The following SPTBN1 variants were observed in gnomAD, a reference collection of about 807,000 sequenced individuals.
SPTBN1 encodes the protein spectrin beta chain, non-erythrocytic 1.
SPTBN1 carries 32 observed loss-of-function variants against 266.4 expected under a neutral mutation model. The ratio of observed to expected loss-of-function variants is 0.12; its 90% CI spans 0.09 to 0.16. The LOEUF is 0.16. SPTBN1 is among the 10% of genes least tolerant of loss of function. The pLI is 1.00. For missense variants in SPTBN1, 2,296 were observed against 3,067.1 expected, an observed-to-expected ratio of 0.75 and a Z score of 5.94; for synonymous variants, 1,336 against 1,162.2, an observed-to-expected ratio of 1.15 and a Z score of -3.04.
At chr2:54,485,905 GTC>G (rs1439992479) in intron 1 of SPTBN1, among the ~76,000 whole-genome samples, 3 of 146,518 alleles carry the variant, frequency 2.0e-5, no homozygotes, top group African/African-American at 7.7e-5. Flanking sequence ...GGTGAGGAGC[GTC>G]TCTGCCCGGC....
At chr2:54,568,579 A>G (rs952768652) in intron 2 of SPTBN1, among the ~76,000 whole-genome samples, 2 of 152,216 alleles carry the variant, frequency 1.3e-5, no homozygotes, top group African/African-American at 2.4e-5. Flanking sequence ...TTTAAAACAT[A>G]GTTAACTAAT....
chr2:54,529,326 CT>C (rs1156849432), intron 2 of SPTBN1: 2 of 546,560 alleles, frequency 3.7e-6, no homozygotes, highest in Admixed American at 2.4e-5. Flanking sequence ...CAAAGATACA[CT>C]TGAGACCCTT....
chr2:54,577,391 G>T (rs1674564302), intron 2 of SPTBN1, among the ~76,000 whole-genome samples: 1 of 152,164 alleles, frequency 6.6e-6, no homozygotes, highest in South Asian at 2.1e-4. Context: ...GGCTTCTCAT[G>T]CTTTGAGCTC....
At chr2:54,461,997 G>A (rs76374741) in intron 1 of SPTBN1, among the ~76,000 whole-genome samples, 1,795 of 152,186 alleles carry the variant, frequency 0.012, 33 homozygotes, top group African/African-American at 0.041. Context: ...AAGAGCATTC[G>A]TTTTGGAGTC....
chr2:54,472,024 T>TTTG (rs1197968110), intron 1 of SPTBN1, among the ~76,000 whole-genome samples: 1 of 107,222 alleles, frequency 9.3e-6, no homozygotes, highest in Admixed American at 8.8e-5. Flanking sequence ...CTGAAGATGT[T>TTTG]TTTTTTTTTT....
intron 29 of SPTBN1, 117 bp from the exon 30 acceptor site, chr2:54,657,733 C>A: frequency 8.1e-7 from 1 of 1,241,482 alleles, no homozygotes; most frequent in Non-Finnish European, 1.1e-6. Flanking sequence ...TTAGAGTAGA[C>A]GATAGACTGG....
intron 1 of SPTBN1, among the ~76,000 whole-genome samples, chr2:54,512,297 G>A (rs1284433004): frequency 1.3e-5 from 2 of 152,120 alleles, no homozygotes; most frequent in Admixed American, 6.5e-5. Context: ...AGTATCATAG[G>A]CCAATCTTTA....
chr2:54,458,251 CATTT>C (rs1168569391), intron 1 of SPTBN1, among the ~76,000 whole-genome samples: 1 of 152,120 alleles, frequency 6.6e-6, no homozygotes, highest in Non-Finnish European at 1.5e-5. Flanking sequence ...GTCACTAAGA[CATTT>C]ATAAGTATAT....
chr2:54,648,900 C>G (rs1680087958), intron 24 of SPTBN1, 86 bp from the exon 25 acceptor site: 2 of 1,228,548 alleles, frequency 1.6e-6, no homozygotes, highest in Non-Finnish European at 2.3e-6. Flanking sequence ...TATGCTCTCC[C>G]ATTATCTCCA....
At chr2:54,608,699 C>T (rs554968442) in intron 3 of SPTBN1, among the ~76,000 whole-genome samples, 4 of 151,310 alleles carry the variant, frequency 2.6e-5, no homozygotes, top group African/African-American at 9.7e-5. Context: ...TGCATGCGCG[C>T]ACGAGTGCGC....
chr2:54,572,300 A>G (rs1017949111), intron 2 of SPTBN1, among the ~76,000 whole-genome samples: 4 of 152,242 alleles, frequency 2.6e-5, no homozygotes, highest in Non-Finnish European at 5.9e-5. Context: ...TAATCAGGTT[A>G]CATAGCAAAA....
chr2:54,534,201 G>A (rs562520657), intron 2 of SPTBN1, among the ~76,000 whole-genome samples: 6 of 152,234 alleles, frequency 3.9e-5, no homozygotes, highest in East Asian at 3.9e-4. Context: ...CTTCTTGTTC[G>A]CACACCTAAC....
At chr2:54,621,282 C>G in intron 7 of SPTBN1, 118 bp from the exon 8 acceptor site, 1 of 625,546 alleles carries the variant, frequency 1.6e-6, no homozygotes, top group East Asian at 2.8e-5. Flanking sequence ...CACTCAGGTA[C>G]AAACATGAAG....
At chr2:54,555,573 C>T (rs1188871388) in intron 2 of SPTBN1, among the ~76,000 whole-genome samples, 1 of 152,210 alleles carries the variant, frequency 6.6e-6, no homozygotes, top group East Asian at 1.9e-4. Flanking sequence ...ATTTCCTCTC[C>T]TTTCTGCCCA....
intron 2 of SPTBN1, among the ~76,000 whole-genome samples, chr2:54,580,767 A>T (rs77731061): frequency 1.3e-5 from 2 of 152,116 alleles, no homozygotes; most frequent in Admixed American, 6.5e-5. Flanking sequence ...CATAACCAAA[A>T]ATTTGTAAAA....
In SPTBN1 at chr2:54,657,852, C is replaced by T; in HGVS notation, c.6049C>T (p.Leu2017=). 1.2e-6 allele frequency: 2 copies of T among 1,614,180 alleles called. No homozygotes were observed. The highest frequency in any genetic ancestry group is 1.7e-6 in the Non-Finnish European group (2 of 1,180,030). The change falls in exon 30 of 36, where the codon CTG becomes TTG. Residue 2017 remains leucine, a splice_region_variant and synonymous_variant. Transcript: ENST00000356805. ...EDRWEWLRLI[L]EVHQFSRDAS... ...CTAACTCATGGTACCCTGTGCAGTT[C>T]TGGAGGTCCATCAGTTCTCAAGAGA...
At chr2:54,666,374 G>GAGAGCTAGTCAC (rs1236164425) in intron 34 of SPTBN1, among the ~76,000 whole-genome samples, 1 of 152,210 alleles carries the variant, frequency 6.6e-6, no homozygotes, top group African/African-American at 2.4e-5. Context: ...AAGACTTAAA[G>GAGAGCTAGTCAC]AGAGCTAGTC....
chr2:54,657,728 G>A (rs1680766803), intron 29 of SPTBN1, 122 bp from the exon 30 acceptor site: 2 of 1,178,184 alleles, frequency 1.7e-6, no homozygotes, highest in Admixed American at 4.2e-5. Context: ...CTAATTTAGA[G>A]TAGACGATAG....
chr2:54,583,892 T>C (rs1675111573), intron 2 of SPTBN1, among the ~76,000 whole-genome samples: 2 of 152,288 alleles, frequency 1.3e-5, no homozygotes, highest in South Asian at 4.1e-4. Context: ...AAAAAATCAT[T>C]TCATATTTTC....
Sources: allele counts gnomAD v4.1 joint callset (sites outside exome capture counted in the v4.1 genomes callset), GRCh38; gene constraint gnomAD v4.1.1; transcripts MANE v1.5; gene names NCBI Gene and HGNC (gene_info 2026-07-23, HGNC 2026-07-21).